LTB: variants seen among roughly 807,000 people sequenced by gnomAD.
The protein encoded by LTB is lymphotoxin beta.
Under a neutral mutation model 14.7 loss-of-function variants are expected in LTB, and 17 were observed. The observed-to-expected ratio is 1.16, with a 90% CI of 0.79 to 1.73. The LOEUF (loss-of-function observed/expected upper bound fraction) is 1.73, where lower values mean the gene tolerates loss of function less well. LTB is among the 40% of genes most tolerant of loss of function. The pLI is 0.00. For missense variants in LTB, 288 were observed against 324.3 expected, an observed-to-expected ratio of 0.89 and a Z score of 0.86; for synonymous variants, 163 against 157.3, an observed-to-expected ratio of 1.04 and a Z score of -0.27.
intron 3 of LTB, 33 bp from the exon 4 acceptor site, chr6:31,581,196 A>C (rs1583056468): frequency 6.6e-7 from 1 of 1,504,808 alleles, no homozygotes; most frequent in African/African-American, 1.4e-5. Flanking sequence ...GCTCTTGGGA[A>C]TGCGATCCTA....
intron 1 of LTB, 58 bp from the exon 2 acceptor site, chr6:31,581,917 C>T: frequency 6.6e-7 from 1 of 1,510,766 alleles, no homozygotes; most frequent in Non-Finnish European, 8.9e-7. Context: ...CACCCCTACC[C>T]CTCTGAAAGT....
chr6:31,581,766 G>A (rs556082388), intron 2 of LTB, 48 bp downstream of exon 2: 1 of 1,609,292 alleles, frequency 6.2e-7, no homozygotes, highest in Non-Finnish European at 8.5e-7. Flanking sequence ...AGGGAGCTGG[G>A]AGCCCCTGAG....
rs779144669 is a variant in LTB, at chr6:31,581,134, A to C, written c.310T>G (p.Trp104Gly). Residue 104 changes from tryptophan to glycine, a missense_variant, in exon 4 of 4, where the codon TGG becomes GGG. Trp to Gly is a radical substitution (Grantham distance 184). Around this residue, in one of 2 missense-constraint regions of LTB, gnomAD observed 284 missense variants for 299.2 expected, o/e 0.95. Coordinates refer to ENST00000429299, the MANE Select transcript of LTB (RefSeq NM_002341.2). ...GAPLKGQGLG[W>G]ETTKEQAFLT... ...AACGCCTGTTCCTTCGTCGTCTCCC[A>C]GCCTAGCCCCTGCCCCTTCAGCGGA... The C allele has an allele frequency of 6.4e-7, 1 of 1,564,564 alleles. No individual in the cohort carries two copies. Among genetic ancestry groups the C allele is most frequent in the East Asian group, 2.3e-5 (1 of 44,330 alleles).
chr6:31,581,226 G>C, intron 3 of LTB, 63 bp from the exon 4 acceptor site: 1 of 1,450,620 alleles, frequency 6.9e-7, no homozygotes, highest in African/African-American at 1.4e-5. Context: ...GACTTCTGGG[G>C]AAGTGGCGGC....
At chr6:31,581,472 G>A (rs1478663293) in intron 3 of LTB, 87 bp downstream of exon 3, 4 of 1,283,802 alleles carry the variant, frequency 3.1e-6, no homozygotes, top group Non-Finnish European at 3.4e-6. Flanking sequence ...ACCGAGCACT[G>A]GAATCATGGA....
intron 2 of LTB, 55 bp downstream of exon 2, chr6:31,581,759 G>A (rs947289045): frequency 6.2e-7 from 1 of 1,608,860 alleles, no homozygotes; most frequent in Non-Finnish European, 8.5e-7. Context: ...ACGCAGCAGG[G>A]AGCTGGGAGC....
At chr6:31,581,190 T>A in intron 3 of LTB, 27 bp from the exon 4 acceptor site, 1 of 1,509,394 alleles carries the variant, frequency 6.6e-7, no homozygotes. Context: ...CGACGCGCTC[T>A]TGGGAATGCG....
intron 1 of LTB, 56 bp downstream of exon 1, chr6:31,582,200 G>A (rs1771594310): frequency 2.5e-6 from 4 of 1,598,032 alleles, no homozygotes; most frequent in South Asian, 1.1e-5. Context: ...ACAACCAGAG[G>A]GAGCCAAGCA....
Position 31,582,242 on chromosome 6 carries a change from T to C in LTB, c.162+14A>G, listed in dbSNP as rs552983134. The C allele has an allele frequency of 1.2e-6, 2 of 1,612,402 alleles. No individual in the cohort carries two copies. Among genetic ancestry groups the C allele is most frequent in the Non-Finnish European group, 1.7e-6 (2 of 1,179,532 alleles). ...AGATACAACTCTCCACCAGGGCCTG[T>C]TGCAGCCACTCACCAGTCCTCCCTG... On this transcript the variant is annotated intron_variant, in intron 1 of 3. Coordinates refer to ENST00000429299, the MANE Select transcript of LTB (RefSeq NM_002341.2).
intron 3 of LTB, 87 bp from the exon 4 acceptor site, chr6:31,581,250 G>T: frequency 7.7e-7 from 1 of 1,303,308 alleles, no homozygotes; most frequent in East Asian, 2.4e-5. Flanking sequence ...TAGCCCCTGC[G>T]GGAGCCGAGC....
rs1366683874 is a variant in LTB, at chr6:31,582,299, A to G, written c.119T>C (p.Val40Ala). The G allele has an allele frequency of 1.2e-6, 2 of 1,612,910 alleles. No individual in the cohort carries two copies. The highest frequency in any genetic ancestry group is 1.7e-6 in the Non-Finnish European group (2 of 1,180,012). ...VTLLLAVPIT[V>A]LAVLALVPQD... ...GGGCACTAAGGCCAGCACAGCCAGGACAGTGATAGGCACCGCCAGCAACAA... is the reference window on the plus strand; with the variant it reads ...GGGCACTAAGGCCAGCACAGCCAGGGCAGTGATAGGCACCGCCAGCAACAA... Residue 40 changes from valine to alanine, a missense_variant, in exon 1 of 4, where the codon GTC (valine) becomes GCC (alanine). By Grantham distance (64) the Val-to-Ala change is moderately conservative (BLOSUM62 0). Coordinates refer to ENST00000429299, the MANE Select transcript of LTB (RefSeq NM_002341.2).
chr6:31,581,909 C>T (rs1278218313), intron 1 of LTB, 50 bp from the exon 2 acceptor site: 3 of 1,525,090 alleles, frequency 2.0e-6, no homozygotes, highest in Middle Eastern at 1.8e-4. Flanking sequence ...GCTCATGTCA[C>T]CCCTACCCCT....
chr6:31,581,676 A>G (rs1251315041), intron 2 of LTB, 46 bp from the exon 3 acceptor site: 1 of 1,595,136 alleles, frequency 6.3e-7, no homozygotes, highest in Non-Finnish European at 8.6e-7. Flanking sequence ...GCAGCCACCC[A>G]TGCAGGCTAC....
At position 31,581,036 on chromosome 6, in the gene LTB, G is replaced by A; in HGVS notation, c.408C>T (p.Tyr136=). The A allele has an allele frequency of 6.2e-7, 1 of 1,601,060 alleles. No individual in the cohort carries two copies. Among genetic ancestry groups the A allele is most frequent in the Non-Finnish European group, 8.5e-7 (1 of 1,174,318 alleles). Residue 136 remains tyrosine (Y), a synonymous_variant, in exon 4 of 4, where the codon TAC becomes TAT. Coordinates refer to ENST00000429299, the MANE Select transcript of LTB (RefSeq NM_002341.2). ...ALPQDGLYYL[Y]CLVGYRGRAP... ...CCCGGCCCCGGTAGCCGACGAGACA[G>A]TAGAGGTAATAGAGGCCGTCCTGCG...
At position 31,582,247 on chromosome 6, in the gene LTB, G is replaced by A; in HGVS notation, c.162+9C>T. The A allele has an allele frequency of 6.2e-7, 1 of 1,612,568 alleles. No homozygotes were observed. The highest frequency in any genetic ancestry group is 8.5e-7 in the Non-Finnish European group (1 of 1,179,650). On this transcript the variant is annotated intron_variant, in intron 1 of 3. Coordinates refer to ENST00000429299, the MANE Select transcript of LTB (RefSeq NM_002341.2). ...CAACTCTCCACCAGGGCCTGTTGCA[G>A]CCACTCACCAGTCCTCCCTGATCCT...
rs1350049760 is a variant in LTB at position 31,582,280 on chromosome 6, T to C, written c.138A>G (p.Leu46=). The C allele has an allele frequency of 6.2e-7, 1 of 1,612,952 alleles. No individual in the cohort carries two copies. Among genetic ancestry groups the C allele is most frequent in the Non-Finnish European group, 8.5e-7 (1 of 1,179,980 alleles). ...VPITVLAVLA[L]VPQDQGGLVT... ...CCAGTCCTCCCTGATCCTGGGGCAC[T>C]AAGGCCAGCACAGCCAGGACAGTGA... The change falls in exon 1 of 4, where the codon TTA becomes TTG. Residue 46 remains leucine, a synonymous_variant. Coordinates refer to ENST00000429299, the MANE Select transcript of LTB (RefSeq NM_002341.2).
rs1243819552 is a variant in LTB at position 31,581,632 on chromosome 6, T to C, written c.209-2A>G. 1.9e-6 allele frequency: 3 copies of C among 1,612,756 alleles called. No homozygotes were observed. The highest frequency in any genetic ancestry group is 2.2e-5 in the East Asian group (1 of 44,886). ...CCTCCTCTGGCAGCTTCTGAAACCCTGGAAGGGGCAAAGAGTCCACGATTG... is the reference window on the plus strand; with the variant it reads ...CCTCCTCTGGCAGCTTCTGAAACCCCGGAAGGGGCAAAGAGTCCACGATTG... On this transcript the variant is annotated splice_acceptor_variant, in intron 2 of 3. Coordinates refer to ENST00000429299, the MANE Select transcript of LTB (RefSeq NM_002341.2). LOFTEE classifies it high-confidence loss of function.
chr6:31,581,832 G>C lies in LTB; in HGVS notation c.190C>G (p.Gln64Glu). 1 of 1,603,252 alleles carries C rather than the reference G, an allele frequency of 6.2e-7. No individual in the cohort carries two copies. Among genetic ancestry groups the C allele is most frequent in the Non-Finnish European group, 8.5e-7 (1 of 1,176,044 alleles). Reference protein sequence around the residue: ...LVTETADPGAQAQQGLGFQKL... With the variant: ...LVTETADPGAEAQQGLGFQKL... Reference sequence around the variant, plus strand: ...CTCTTACCCAGTCCTTGCTGGGCCTGTGCCCCGGGGTCGGCCGTCTCCGTT... The same window carrying C: ...CTCTTACCCAGTCCTTGCTGGGCCTCTGCCCCGGGGTCGGCCGTCTCCGTT... The change falls in exon 2 of 4, where the codon CAG (glutamine) becomes GAG (glutamate). Residue 64 changes from glutamine (Q) to glutamate (E), a missense_variant. Around this residue, in one of 2 missense-constraint regions of LTB, gnomAD observed 284 missense variants for 299.2 expected, o/e 0.95. Coordinates refer to ENST00000429299, the MANE Select transcript of LTB (RefSeq NM_002341.2).
chr6:31,581,524 A>T, intron 3 of LTB, 35 bp downstream of exon 3: 1 of 1,593,790 alleles, frequency 6.3e-7, no homozygotes, highest in Non-Finnish European at 8.6e-7. Flanking sequence ...CCTTCGGATT[A>T]TTTACACTCT....
Sources: gnomAD v4.1 joint callset for allele counts on GRCh38, gnomAD v4.1.1 for gene constraint, gnomAD v4.1.1 regional missense constraint, MANE v1.5 for transcripts, NCBI Gene and HGNC (gene_info 2026-07-23, HGNC 2026-07-21) for gene names.